Variants in SEPTIN9 observed in about 807,000 individuals in gnomAD.
SEPTIN9 encodes the protein septin-9.
Under a neutral mutation model 56.6 loss-of-function variants are expected in SEPTIN9, and 13 were observed. The ratio of observed to expected loss-of-function variants is 0.23; its 90% CI spans 0.15 to 0.37. The LOEUF (loss-of-function observed/expected upper bound fraction) is 0.37, where lower values mean the gene tolerates loss of function less well. SEPTIN9 is among the 10% of genes least tolerant of loss of function. The probability of loss-of-function intolerance (pLI) is 1.00; values close to 1 mark genes in which losing one functional copy is unlikely to be tolerated. For missense variants in SEPTIN9, 650 were observed against 823.1 expected, an observed-to-expected ratio of 0.79 and a Z score of 2.57; for synonymous variants, 332 against 334.1, an observed-to-expected ratio of 0.99 and a Z score of 0.07.
chr17:77,292,969 G>A (rs1164448466), intron 1 of SEPTIN9, among the ~76,000 whole-genome samples: 1 of 151,808 alleles, frequency 6.6e-6, no homozygotes. Flanking sequence ...GGTCTAACCA[G>A]GAAATGGAAA....
At chr17:77,441,938 G>C (rs1043849630) in intron 3 of SEPTIN9, among the ~76,000 whole-genome samples, 1 of 152,198 alleles carries the variant, frequency 6.6e-6, no homozygotes, top group African/African-American at 2.4e-5. Flanking sequence ...GAGTATTTTT[G>C]TAGCGGGGAA....
At chr17:77,288,246 C>A (rs893543882) in intron 1 of SEPTIN9, 18 of 1,026,718 alleles carry the variant, frequency 1.8e-5, no homozygotes, top group Non-Finnish European at 2.1e-5. Context: ...TCCTCCCAGG[C>A]TGCTTAAATG....
In SEPTIN9 at chr17:77,445,185, A is replaced by G. The variant is rs1310046228; in HGVS notation, c.722-36959A>G. ...TGTGGGTGCTCCCAGCCCCTTCTCAAGGTTGGTCTGTGGGTAGAAATGTGG... is the reference window on the plus strand; with the variant it reads ...TGTGGGTGCTCCCAGCCCCTTCTCAGGGTTGGTCTGTGGGTAGAAATGTGG... On this transcript the variant is annotated intron_variant, in intron 3 of 11. Transcript: ENST00000427177. The surrounding 1 kb of genome is among the most constrained non-coding windows in gnomAD (Gnocchi z 4.7). The G allele has an allele frequency of 2.1e-6, 1 of 470,854 alleles. No individual in the cohort carries two copies. Among genetic ancestry groups the G allele is most frequent in the African/African-American group, 2.0e-5 (1 of 50,048 alleles). The allele number at this position is 470,854 out of a possible 1,614,324, so 29.2% of individuals were successfully genotyped here.
intron 1 of SEPTIN9, among the ~76,000 whole-genome samples, chr17:77,294,052 C>T (rs1187915281): frequency 6.7e-6 from 1 of 150,246 alleles, no homozygotes; most frequent in South Asian, 2.1e-4. Context: ...TGCAGTGAGC[C>T]GTGATCATGC....
chr17:77,482,483 G>A (rs779365339), intron 4 of SEPTIN9, 148 bp downstream of exon 4: 10 of 834,048 alleles, frequency 1.2e-5, no homozygotes, highest in Middle Eastern at 2.2e-4. Flanking sequence ...GTGACATTGC[G>A]TGTGCATGCA....
intron 3 of SEPTIN9, among the ~76,000 whole-genome samples, chr17:77,417,171 G>T (rs974716814): frequency 6.6e-6 from 1 of 152,210 alleles, no homozygotes; most frequent in Non-Finnish European, 1.5e-5. Context: ...ACATAAGGAA[G>T]TGTACTCATG....
chr17:77,366,302 CTT>C (rs1326524441), intron 2 of SEPTIN9, among the ~76,000 whole-genome samples: 4 of 152,126 alleles, frequency 2.6e-5, no homozygotes, highest in Non-Finnish European at 5.9e-5. Flanking sequence ...AAGTTGGAGA[CTT>C]TAGCCATTTC....
intron 2 of SEPTIN9, among the ~76,000 whole-genome samples, chr17:77,395,477 C>T (rs533072839): frequency 2.0e-5 from 3 of 149,088 alleles, no homozygotes; most frequent in South Asian, 2.1e-4. Context: ...TGCGGTGAGC[C>T]GAGATTGCGC....
chr17:77,300,720 GGCTCAAACCGCCCCCATCCCA>G (rs2032004166), intron 1 of SEPTIN9, among the ~76,000 whole-genome samples: 2 of 30,290 alleles, frequency 6.6e-5, no homozygotes, highest in Non-Finnish European at 1.2e-4. Flanking sequence ...CCCCACCCCA[GGCTCAAACCGCCCCCATCCCA>G]GCTCAAACCG....
chr17:77,295,063 G>A (rs1314624771), intron 1 of SEPTIN9, among the ~76,000 whole-genome samples: 2 of 152,150 alleles, frequency 1.3e-5, no homozygotes, highest in East Asian at 1.9e-4. Context: ...GAGCCCCCAC[G>A]TGGCAGCAAG....
chr17:77,491,579 G>C (rs929844961), intron 8 of SEPTIN9, among the ~76,000 whole-genome samples: 1 of 151,372 alleles, frequency 6.6e-6, no homozygotes, highest in African/African-American at 2.4e-5. Context: ...TTGGGAGGCC[G>C]AGGCGGGCAG....
chr17:77,281,811 G>T (rs1255441834), intron 1 of SEPTIN9: 3 of 491,964 alleles, frequency 6.1e-6, no homozygotes, highest in Non-Finnish European at 1.1e-5. Flanking sequence ...CCTCTTCCTC[G>T]CCCCTTGCAC....
intron 3 of SEPTIN9, among the ~76,000 whole-genome samples, chr17:77,409,117 C>T (rs1040488807): frequency 5.9e-5 from 9 of 152,118 alleles, no homozygotes; most frequent in African/African-American, 2.2e-4. Flanking sequence ...CTCCCACCTC[C>T]TCCCATTTTC....
chr17:77,303,276 T>C (rs1215147425), intron 1 of SEPTIN9, among the ~76,000 whole-genome samples: 1 of 151,468 alleles, frequency 6.6e-6, no homozygotes, highest in Non-Finnish European at 1.5e-5. Flanking sequence ...AATTTTTGTA[T>C]TTTTAGTAGA....
At chr17:77,314,534 G>A (rs774117648) in intron 2 of SEPTIN9, among the ~76,000 whole-genome samples, 5 of 151,954 alleles carry the variant, frequency 3.3e-5, no homozygotes, top group African/African-American at 7.2e-5. Flanking sequence ...ATAGCTTGGC[G>A]CTCATCAGCA....
intron 3 of SEPTIN9, among the ~76,000 whole-genome samples, chr17:77,461,209 G>A (rs1226842756): frequency 6.6e-6 from 1 of 152,098 alleles, no homozygotes; most frequent in African/African-American, 2.4e-5. Context: ...GGGAGGCTGA[G>A]GCAGGAGAAT....
rs973362002 is a variant in SEPTIN9, at chr17:77,369,887, G to A, written c.77-32172G>A. On this transcript the variant is annotated intron_variant, in intron 2 of 11. Transcript: ENST00000427177. The surrounding 1 kb of genome is among the most constrained non-coding windows in gnomAD (Gnocchi z 4.9). Reference sequence around the variant, plus strand: ...GATTTCCTCCCCACTCCGTTCCCACGCTTTGTAAGCTTCATTTCCCCGGGG... The same window carrying A: ...GATTTCCTCCCCACTCCGTTCCCACACTTTGTAAGCTTCATTTCCCCGGGG... Among the ~76,000 whole-genome samples, 6 of 152,144 alleles carry A rather than the reference G, an allele frequency of 3.9e-5. No individual in the cohort carries two copies. The highest frequency in any genetic ancestry group is 2.0e-4 in the Admixed American group (3 of 15,278).
At chr17:77,466,293 C>A in intron 3 of SEPTIN9, 1 of 653,416 alleles carries the variant, frequency 1.5e-6, no homozygotes, top group Non-Finnish European at 1.9e-6. Flanking sequence ...GCTTGGAGGG[C>A]CCAGTGGGCG....
At chr17:77,339,781 A>G (rs2033668377) in intron 2 of SEPTIN9, among the ~76,000 whole-genome samples, 1 of 151,318 alleles carries the variant, frequency 6.6e-6, no homozygotes, top group Non-Finnish European at 1.5e-5. Context: ...AAGCATTGGG[A>G]CTACAGGCAT....
Sources: gnomAD v4.1 joint callset for allele counts (sites outside exome capture counted in the v4.1 genomes callset) on GRCh38, gnomAD v4.1.1 for gene constraint, Gnocchi (gnomAD v3.1) non-coding constraint, MANE v1.5 for transcripts, NCBI Gene and HGNC (gene_info 2026-07-23, HGNC 2026-07-21) for gene names.